MARCHF1: variants seen among roughly 807,000 people sequenced by gnomAD.
The protein encoded by MARCHF1 is E3 ubiquitin-protein ligase MARCHF1.
Under a neutral mutation model 54.2 loss-of-function variants are expected in MARCHF1, and 40 were observed. That is an observed-to-expected ratio of 0.74 (90% CI 0.57 to 0.96). The LOEUF is 0.96. MARCHF1 is among the 40% of genes least tolerant of loss of function. The probability of loss-of-function intolerance (pLI) is 0.00; values close to 1 mark genes in which losing one functional copy is unlikely to be tolerated. For synonymous variants in MARCHF1, 236 were observed against 236.3 expected (o/e 1.00, Z 0.01); for missense variants, 586 against 656.5 (o/e 0.89, Z 1.17).
chr4:163,882,542 ATCTTTT>A (rs1295962060), intron 3 of MARCHF1, among the ~76,000 whole-genome samples: 1 of 152,204 alleles, frequency 6.6e-6, no homozygotes, highest in African/African-American at 2.4e-5. Flanking sequence ...TTTAAATGTT[ATCTTTT>A]TATTTTGATT....
At chr4:163,630,312 T>C (rs1370831997) in intron 5 of MARCHF1, among the ~76,000 whole-genome samples, 3 of 152,158 alleles carry the variant, frequency 2.0e-5, no homozygotes, top group African/African-American at 2.4e-5. Flanking sequence ...AAAATAATTA[T>C]GCTGAGTGAA....
At chr4:164,273,346 G>T (rs142105171) in intron 1 of MARCHF1, among the ~76,000 whole-genome samples, 1 of 152,080 alleles carries the variant, frequency 6.6e-6, no homozygotes, top group African/African-American at 2.4e-5. Context: ...AGAAGAGCAC[G>T]GGGGAAACTG....
intron 1 of MARCHF1, among the ~76,000 whole-genome samples, chr4:164,269,135 A>C (rs1371364464): frequency 6.6e-6 from 1 of 152,160 alleles, no homozygotes; most frequent in Non-Finnish European, 1.5e-5. Context: ...AGTCACTTAC[A>C]TCAGACCCAA....
intron 4 of MARCHF1, among the ~76,000 whole-genome samples, chr4:163,714,642 A>C (rs1745204843): frequency 6.6e-6 from 1 of 152,148 alleles, no homozygotes; most frequent in Admixed American, 6.6e-5. Context: ...GTAGGTGGGA[A>C]GTATACGACA....
intron 2 of MARCHF1, among the ~76,000 whole-genome samples, chr4:164,069,998 G>A (rs1057464519): frequency 6.6e-6 from 1 of 152,198 alleles, no homozygotes; most frequent in Non-Finnish European, 1.5e-5. Flanking sequence ...GTAGCCCTAA[G>A]AGAGCTAATG....
chr4:163,980,287 A>G (rs555501985), intron 3 of MARCHF1, among the ~76,000 whole-genome samples: 119 of 137,194 alleles, frequency 8.7e-4, no homozygotes, highest in African/African-American at 3.0e-3. Context: ...TATTTAATAA[A>G]TGGTGCTGGG....
Position 164,138,924 on chromosome 4 carries a change from CA to C in MARCHF1, c.-322-27263del, listed in dbSNP as rs1459961904. On this transcript the variant is annotated intron_variant, in intron 1 of 9. Transcript: ENST00000514618. ...TGAGTTGGTAAGGCATGGACACAGC[CA>C]CCACAAAATTATTATAACAAAAATA... Among the ~76,000 whole-genome samples the C allele has an allele frequency of 2.0e-5, 3 of 152,114 alleles. No individual in the cohort carries two copies. The East Asian group carries it at 5.8e-4, about 29-fold the overall frequency.
At chr4:164,053,270 C>T (rs757781170) in intron 2 of MARCHF1, among the ~76,000 whole-genome samples, 10 of 152,046 alleles carry the variant, frequency 6.6e-5, no homozygotes, top group Non-Finnish European at 1.2e-4. Context: ...GACCATTTCT[C>T]ACGGTTTTAA....
intron 1 of MARCHF1, among the ~76,000 whole-genome samples, chr4:164,341,438 A>C (rs1729925654): frequency 6.6e-6 from 1 of 151,932 alleles, no homozygotes; most frequent in Non-Finnish European, 1.5e-5. Flanking sequence ...AAAAGCCAAC[A>C]AAATAAAAAA....
At chr4:164,113,168 A>G (rs564530849) in intron 1 of MARCHF1, among the ~76,000 whole-genome samples, 2 of 152,004 alleles carry the variant, frequency 1.3e-5, no homozygotes, top group African/African-American at 4.8e-5. Context: ...GTTTAATGAA[A>G]TTGGTATATT....
chr4:163,923,398 A>T (rs574031198), intron 3 of MARCHF1, among the ~76,000 whole-genome samples: 25 of 152,212 alleles, frequency 1.6e-4, no homozygotes, highest in African/African-American at 5.1e-4. Flanking sequence ...TCCTTTCTAC[A>T]TGTTAACAGC....
chr4:164,324,515 C>T (rs944150706), intron 1 of MARCHF1, among the ~76,000 whole-genome samples: 2 of 151,070 alleles, frequency 1.3e-5, no homozygotes, highest in African/African-American at 4.8e-5. Flanking sequence ...CTTTGAAAAC[C>T]CAAGAGACTC....
downstream of MARCHF1, chr4:163,524,657 G>A (rs1168638334): frequency 1.3e-5 from 2 of 152,128 alleles, no homozygotes; most frequent in East Asian, 3.9e-4. Flanking sequence ...AAATGTATGT[G>A]TGTTTGGATG....
chr4:164,281,996 G>T (rs1405247710), intron 1 of MARCHF1, among the ~76,000 whole-genome samples: 1 of 145,674 alleles, frequency 6.9e-6, no homozygotes, highest in Non-Finnish European at 1.5e-5. Flanking sequence ...TCATGTTTAG[G>T]CTTCATTCCA....
In MARCHF1 at chr4:164,177,003, TATATATAC is replaced by T. The variant is rs1482133173; in HGVS notation, c.-322-65349_-322-65342del. ...CTCTATATATATATATATATATATA[TATATATAC>T]AAATGATAGAATTAGGCATGTTTCC... On this transcript the variant is annotated intron_variant, in intron 1 of 9. Transcript: ENST00000514618. 6.5e-3 allele frequency among the ~76,000 whole-genome samples: 600 copies of T among 91,764 alleles called. 12 individuals are homozygous for T. Among genetic ancestry groups the T allele is most frequent in the African/African-American group, 0.03 (561 of 18,414 alleles). 60.2% of individuals were successfully genotyped at this position (91,764 alleles called of 152,430 possible). A position where few individuals can be genotyped will look rare whatever the true frequency, so the allele number is the denominator to read the frequency against.
At chr4:164,297,768 G>GTA (rs1202522307) in intron 1 of MARCHF1, among the ~76,000 whole-genome samples, 4 of 152,066 alleles carry the variant, frequency 2.6e-5, no homozygotes, top group African/African-American at 9.7e-5. Flanking sequence ...TACAGGAATT[G>GTA]TACTACCGTT....
chr4:164,323,349 G>A (rs1456973981), intron 1 of MARCHF1, among the ~76,000 whole-genome samples: 1 of 151,338 alleles, frequency 6.6e-6, no homozygotes, highest in East Asian at 1.9e-4. Context: ...ATTGAGACAT[G>A]GCAAAAGCTG....
At chr4:164,207,167 T>A (rs1446771923) in intron 1 of MARCHF1, among the ~76,000 whole-genome samples, 1 of 152,182 alleles carries the variant, frequency 6.6e-6, no homozygotes, top group African/African-American at 2.4e-5. Flanking sequence ...TAGTAATATA[T>A]ACCAAGATAA....
At chr4:163,802,344 G>A (rs1017173153) in intron 4 of MARCHF1, among the ~76,000 whole-genome samples, 2 of 149,726 alleles carry the variant, frequency 1.3e-5, no homozygotes, top group Non-Finnish European at 3.0e-5. Context: ...ATCTCTGCTA[G>A]GTACAAAGCA....
Sources: gnomAD v4.1 joint callset for allele counts (sites outside exome capture counted in the v4.1 genomes callset) on GRCh38, gnomAD v4.1.1 for gene constraint, MANE v1.5 for transcripts, NCBI Gene and HGNC (gene_info 2026-07-23, HGNC 2026-07-21) for gene names.